The following PID1 variants were observed in gnomAD, a reference collection of about 807,000 sequenced individuals.
PID1 encodes PTB-containing, cubilin and LRP1-interacting protein.
In PID1, 10 loss-of-function variants were observed where a neutral mutation model predicts 19.1. The observed-to-expected ratio is 0.52, with a 90% CI of 0.32 to 0.89. The LOEUF is 0.89. Ranked by LOEUF, PID1 falls within the 40% of genes least tolerant of loss-of-function variation. PID1 has a pLI of 0.03. For missense variants in PID1, 248 were observed against 285.3 expected (o/e 0.87, Z 0.94); for synonymous variants, 130 against 116.0 (o/e 1.12, Z -0.78).
In PID1 at chr2:229,182,090, T is replaced by C. The variant is rs137881344; in HGVS notation, c.31-26126A>G. The stretch of plus-strand genomic sequence containing the variant: ...GAATAGGAAGAACACAAAGGATTTT[T>C]AGGGCAATGTAACTACTGAGTGTGA... On this transcript the variant is annotated intron_variant, in intron 1 of 2. Coordinates refer to ENST00000392055, the MANE Select transcript of PID1 (RefSeq NM_001100818.2). Among the ~76,000 whole-genome samples, 181 of 152,294 alleles carry C rather than the reference T, an allele frequency of 1.2e-3. 1 individual carries two copies. Among genetic ancestry groups the C allele is most frequent in the East Asian group, 5.8e-4 (3 of 5,188 alleles).
chr2:229,146,530 T>C (rs993462042), intron 2 of PID1, among the ~76,000 whole-genome samples: 1 of 139,254 alleles, frequency 7.2e-6, no homozygotes, highest in Non-Finnish European at 1.5e-5. Context: ...ACATTTTGTG[T>C]GTGTGTGTGT....
chr2:229,202,936 T>C (rs563777335), intron 1 of PID1, among the ~76,000 whole-genome samples: 4 of 152,080 alleles, frequency 2.6e-5, no homozygotes, highest in Admixed American at 2.6e-4. Context: ...TCTTTAGAAA[T>C]CTAAACAAAA....
At chr2:229,098,734 G>T (rs566771833) in intron 2 of PID1, among the ~76,000 whole-genome samples, 1 of 152,246 alleles carries the variant, frequency 6.6e-6, no homozygotes, top group African/African-American at 2.4e-5. Context: ...CCAAAGCTCT[G>T]CTCCTCCATT....
intron 1 of PID1, chr2:229,231,907 C>A: frequency 6.5e-7 from 1 of 1,549,428 alleles, no homozygotes; most frequent in Non-Finnish European, 8.7e-7. Flanking sequence ...TAAAAAAAAA[C>A]AGAAATTGAT....
At chr2:229,136,499 C>T (rs1289430566) in intron 2 of PID1, among the ~76,000 whole-genome samples, 1 of 152,148 alleles carries the variant, frequency 6.6e-6, no homozygotes, top group Non-Finnish European at 1.5e-5. Flanking sequence ...TCACTGGTTA[C>T]CAGACAAAGA....
intron 2 of PID1, among the ~76,000 whole-genome samples, chr2:229,126,740 G>T (rs943902653): frequency 1.3e-5 from 2 of 152,194 alleles, no homozygotes; most frequent in Non-Finnish European, 1.5e-5. Context: ...TGATCAAAGT[G>T]AATTTCTTCA....
intron 1 of PID1, among the ~76,000 whole-genome samples, chr2:229,253,386 G>A (rs928788047): frequency 1.3e-5 from 2 of 152,102 alleles, no homozygotes; most frequent in African/African-American, 4.8e-5. Context: ...AGGTGAGAGT[G>A]ACATCCAAGT....
At chr2:229,203,245 T>C (rs1488265193) in intron 1 of PID1, among the ~76,000 whole-genome samples, 1 of 152,084 alleles carries the variant, frequency 6.6e-6, no homozygotes, top group Admixed American at 6.6e-5. Context: ...ATAGGATCAG[T>C]GTTCAGCTCT....
chr2:229,077,225 T>C (rs1475202182), intron 2 of PID1, among the ~76,000 whole-genome samples: 1 of 152,230 alleles, frequency 6.6e-6, no homozygotes, highest in African/African-American at 2.4e-5. Context: ...GCCAACTTTT[T>C]GATGGGGTTG....
At chr2:229,131,161 AC>A (rs1290219646) in intron 2 of PID1, among the ~76,000 whole-genome samples, 2 of 152,108 alleles carry the variant, frequency 1.3e-5, no homozygotes, top group East Asian at 3.9e-4. Flanking sequence ...ACAGCCTATA[AC>A]ATCGGAGCAT....
chr2:229,152,774 GAAAATGGGAA>G (rs1275328852), intron 2 of PID1, among the ~76,000 whole-genome samples: 1 of 152,022 alleles, frequency 6.6e-6, no homozygotes, highest in Non-Finnish European at 1.5e-5. Context: ...CAGATCAGCA[GAAAATGGGAA>G]ATCTGAGATG....
At chr2:229,201,549 C>G (rs1244696780) in intron 1 of PID1, among the ~76,000 whole-genome samples, 1 of 152,014 alleles carries the variant, frequency 6.6e-6, no homozygotes, top group Non-Finnish European at 1.5e-5. Context: ...GGGTTGCTTC[C>G]ATGCTTTGGC....
At chr2:229,210,555 C>A (rs72979154) in intron 1 of PID1, among the ~76,000 whole-genome samples, 24,819 of 59,250 alleles carry the variant, frequency 0.42, 3,660 homozygotes, top group East Asian at 0.59. Context: ...AAAAAAAAAA[C>A]AACCTAGAAG....
intron 1 of PID1, among the ~76,000 whole-genome samples, chr2:229,246,853 T>G (rs1690016659): frequency 6.6e-6 from 1 of 152,134 alleles, no homozygotes. Flanking sequence ...AGAAAGCCAG[T>G]TCTCACAATC....
intron 2 of PID1, among the ~76,000 whole-genome samples, chr2:229,049,233 G>GATA (rs1339350059): frequency 1.3e-5 from 2 of 151,878 alleles, no homozygotes; most frequent in African/African-American, 4.8e-5. Context: ...ATGAAAAATG[G>GATA]TATCCTGTTA....
intron 2 of PID1, among the ~76,000 whole-genome samples, chr2:229,134,879 T>A (rs1288623201): frequency 6.6e-6 from 1 of 152,164 alleles, no homozygotes; most frequent in African/African-American, 2.4e-5. Flanking sequence ...CAGGTTAATG[T>A]ATATTACTTT....
At chr2:229,235,213 C>T (rs890940924) in intron 1 of PID1, among the ~76,000 whole-genome samples, 4 of 152,158 alleles carry the variant, frequency 2.6e-5, no homozygotes. Flanking sequence ...CTCTCAGAAG[C>T]AGTGAGTCTC....
intron 2 of PID1, among the ~76,000 whole-genome samples, chr2:229,119,790 G>A (rs1239214436): frequency 6.6e-6 from 1 of 152,164 alleles, no homozygotes; most frequent in East Asian, 1.9e-4. Context: ...TTGAATTGTG[G>A]ACTGAGTAAA....
chr2:229,159,603 C>T (rs1023009918), intron 1 of PID1, among the ~76,000 whole-genome samples: 3 of 152,106 alleles, frequency 2.0e-5, no homozygotes, highest in African/African-American at 7.2e-5. Context: ...AGTGCATATG[C>T]CAATTCCTTG....
Sources: allele counts gnomAD v4.1 joint callset (sites outside exome capture counted in the v4.1 genomes callset), GRCh38; gene constraint gnomAD v4.1.1; transcripts MANE v1.5; gene names NCBI Gene and HGNC (gene_info 2026-07-23, HGNC 2026-07-21).